The following CRLF2 variants were observed in gnomAD, a reference collection of about 807,000 sequenced individuals.
CRLF2 encodes cytokine receptor like factor 2.
A neutral mutation model predicts 38.7 loss-of-function variants in CRLF2; 41 were observed. The ratio of observed to expected loss-of-function variants is 1.06; its 90% confidence interval spans 0.83 to 1.37. CRLF2 has a LOEUF of 1.37. Among genes scored for constraint, CRLF2 ranks in the 40% most tolerant of loss-of-function variants. The probability of loss-of-function intolerance (pLI) is 0.00; values close to 1 mark genes in which losing one functional copy is unlikely to be tolerated. For missense variants in CRLF2, 377 were observed against 322.2 expected (o/e 1.17, Z -1.30); for synonymous variants, 140 against 128.8 (o/e 1.09, Z -0.59).
chrX:1,198,903 C>G, intron 4 of CRLF2, 179 bp from the exon 5 acceptor site: 2 of 654,266 alleles, frequency 3.1e-6, no homozygotes, highest in Non-Finnish European at 5.3e-6. Context: ...AAACCCAACG[C>G]TTTGGGAGGC....
At chrX:1,199,531 C>T (rs1159658538) in intron 4 of CRLF2, among the ~76,000 whole-genome samples, 2 of 152,036 alleles carry the variant, frequency 1.3e-5, no homozygotes, top group African/African-American at 4.8e-5. Flanking sequence ...GAACTCCTGA[C>T]CTCAGGTGAT....
chrX:1,207,458 A>C (rs1470311188), intron 2 of CRLF2, among the ~76,000 whole-genome samples: 1 of 142,064 alleles, frequency 7.0e-6, no homozygotes, highest in Non-Finnish European at 1.5e-5. Context: ...AGGTTTCACC[A>C]TGTTGGCCAG....
chrX:1,192,708 TTTTCTTTC>T (rs1165440754), intron 7 of CRLF2, among the ~76,000 whole-genome samples: 12,408 of 109,886 alleles, frequency 0.11, 758 homozygotes, highest in Middle Eastern at 0.15. Flanking sequence ...TTTTCTTTTC[TTTTCTTTC>T]TTTCTTTCTT....
At chrX:1,193,332 T>C in intron 6 of CRLF2, 30 bp from the exon 7 acceptor site, 1 of 398,558 alleles carries the variant, frequency 2.5e-6, no homozygotes, top group Non-Finnish European at 4.4e-6. Flanking sequence ...CGTGGTCAGG[T>C]CGGCCACAGC....
At chrX:1,212,507 G>A in intron 1 of CRLF2, 49 bp downstream of exon 1, 2 of 1,367,710 alleles carry the variant, frequency 1.5e-6, no homozygotes, top group African/African-American at 1.4e-5. Flanking sequence ...TGGTTGCAAA[G>A]CAAACCACAA....
chrX:1,195,273 A>C (rs2086456055), intron 6 of CRLF2, among the ~76,000 whole-genome samples: 1 of 152,142 alleles, frequency 6.6e-6, no homozygotes, highest in African/African-American at 2.4e-5. Context: ...CTGTGGTCTG[A>C]AAGAATATTG....
At position 1,206,600 on chromosome X, in the gene CRLF2, CTG is replaced by C. The variant is rs773902959; in HGVS notation, c.183-3_183-2del. 1 of 1,612,906 alleles carries C rather than the reference CTG, an allele frequency of 6.2e-7. No homozygotes were observed. The highest frequency in any genetic ancestry group is 1.7e-5 in the Admixed American group (1 of 59,856). On this transcript the variant is annotated splice_acceptor_variant and splice_polypyrimidine_tract_variant and intron_variant, in intron 2 of 7. Transcript: ENST00000400841. LOFTEE classifies it high-confidence loss of function. ...GTCATAGGCCTCATCACCGTTGAAT[CTG>C]TGGTTTAAAACGATGACCATTCAGC... is the stretch of plus-strand genomic sequence containing the variant.
intron 7 of CRLF2, among the ~76,000 whole-genome samples, chrX:1,191,437 A>C (rs1274771362): frequency 2.7e-5 from 4 of 150,618 alleles, no homozygotes; most frequent in Non-Finnish European, 2.9e-5. Flanking sequence ...CCAATGGAAC[A>C]GGAAAGCCCT....
At chrX:1,203,360 C>G (rs1382734750) in intron 3 of CRLF2, among the ~76,000 whole-genome samples, 1 of 150,320 alleles carries the variant, frequency 6.7e-6, no homozygotes, top group East Asian at 2.0e-4. Flanking sequence ...GAAGGAGCCT[C>G]CCCTAGAACC....
At chrX:1,196,709 T>C in intron 6 of CRLF2, 71 bp downstream of exon 6, 1 of 1,570,080 alleles carries the variant, frequency 6.4e-7, no homozygotes, top group South Asian at 1.2e-5. Flanking sequence ...AGGCGATTAA[T>C]CTTTTTTCGT....
chrX:1,203,911 TA>T (rs1317681213), intron 3 of CRLF2, among the ~76,000 whole-genome samples: 2 of 151,876 alleles, frequency 1.3e-5, no homozygotes, highest in Non-Finnish European at 2.9e-5. Context: ...CCCCTACCTC[TA>T]AAAAATAAAA....
chrX:1,208,569 A>G (rs1484247633), intron 2 of CRLF2, among the ~76,000 whole-genome samples: 1 of 152,086 alleles, frequency 6.6e-6, no homozygotes, highest in Non-Finnish European at 1.5e-5. Context: ...AAATAAAAAC[A>G]AACAAAAAAA....
chrX:1,206,180 G>C lies in CRLF2; in HGVS notation c.349+253C>G, dbSNP rs140059967. ...TACTTACGGTAATAAGCTGAAGGAA[G>C]TACTGAAAACTATGCTGAGCTTCCT... On this transcript the variant is annotated intron_variant, in intron 3 of 7. Transcript: ENST00000400841. Among the ~76,000 whole-genome samples, 52 of 152,224 alleles carry C rather than the reference G, an allele frequency of 3.4e-4. 1 individual carries two copies. In the East Asian group the frequency reaches 7.9e-3, roughly 23 times the overall value.
At chrX:1,207,510 C>A (rs1368501834) in intron 2 of CRLF2, among the ~76,000 whole-genome samples, 4 of 109,322 alleles carry the variant, frequency 3.7e-5, no homozygotes, top group Admixed American at 9.4e-5. Context: ...CACCCCCCCC[C>A]CCCTCAGCCT....
At chrX:1,212,201 G>T (rs2086814909) in intron 1 of CRLF2, among the ~76,000 whole-genome samples, 1 of 151,918 alleles carries the variant, frequency 6.6e-6, no homozygotes, top group Non-Finnish European at 1.5e-5. Context: ...GAGATACATT[G>T]ATGGATAGAT....
At chrX:1,192,567 G>C (rs1170641191) in intron 7 of CRLF2, among the ~76,000 whole-genome samples, 1 of 151,992 alleles carries the variant, frequency 6.6e-6, no homozygotes. Flanking sequence ...AGTGAGCCGA[G>C]ATCAAACCAT....
At position 1,206,532 on chromosome X, in the gene CRLF2, AC is replaced by A; in HGVS notation, c.249del (p.Cys84AlafsTer3). 1 of 1,613,598 alleles carries A rather than the reference AC, an allele frequency of 6.2e-7. No homozygotes were observed. The highest frequency in any genetic ancestry group is 8.5e-7 in the Non-Finnish European group (1 of 1,179,580). ...TCTCGCTGCTCTGCGTCTAGGAGGC[AC>A]CCCGAAGTGTGACCTTCCTGGAGAA... ...NYLLQEGHTS[G>X]CLLDAEQRDD... On this transcript the variant is annotated frameshift_variant, in exon 3 of 8. Coordinates refer to ENST00000400841, the MANE Select transcript of CRLF2 (RefSeq NM_022148.4). LOFTEE classifies it high-confidence loss of function.
chrX:1,191,967 A>T (rs1306471512), intron 7 of CRLF2, among the ~76,000 whole-genome samples: 4 of 150,150 alleles, frequency 2.7e-5, no homozygotes, highest in Admixed American at 6.7e-5. Context: ...GCACTTTGGG[A>T]GGCCAAGGTG....
chrX:1,198,460 G>A (rs1331989990), intron 5 of CRLF2, 102 bp downstream of exon 5: 72 of 751,966 alleles, frequency 9.6e-5, no homozygotes, highest in South Asian at 3.6e-4. Flanking sequence ...CTCCCACCTC[G>A]AAGGCAGGAC....
Sources: allele counts gnomAD v4.1 joint callset (sites outside exome capture counted in the v4.1 genomes callset), GRCh38; gene constraint gnomAD v4.1.1; transcripts MANE v1.5; gene names NCBI Gene and HGNC (gene_info 2026-07-23, HGNC 2026-07-21).